The following METTL16 variants were observed in gnomAD, a reference collection of about 807,000 sequenced individuals.
METTL16 encodes methyltransferase 16, RNA N6-adenosine.
A neutral mutation model predicts 57.9 loss-of-function variants in METTL16; 19 were observed. That is an observed-to-expected ratio of 0.33 (90% CI 0.23 to 0.48). METTL16 has a LOEUF of 0.48. METTL16 is among the 20% of genes least tolerant of loss of function. METTL16 has a pLI of 0.99. For synonymous variants in METTL16, 246 were observed against 255.6 expected, an observed-to-expected ratio of 0.96 and a Z score of 0.36; for missense variants, 434 against 691.5, an observed-to-expected ratio of 0.63 and a Z score of 4.18.
chr17:2,449,728 G>T (rs1198965520), intron 6 of METTL16, among the ~76,000 whole-genome samples: 2 of 152,178 alleles, frequency 1.3e-5, no homozygotes, highest in Non-Finnish European at 2.9e-5. Flanking sequence ...CTTTTTAAAA[G>T]AGATTTATAG....
intron 1 of METTL16, among the ~76,000 whole-genome samples, chr17:2,506,061 G>C (rs1344477478): frequency 6.6e-6 from 1 of 151,492 alleles, no homozygotes; most frequent in African/African-American, 2.4e-5. Context: ...TCTGCCTCCC[G>C]GGTTCAAGCG....
At chr17:2,424,663 G>A (rs2066802595) in intron 8 of METTL16, among the ~76,000 whole-genome samples, 1 of 152,000 alleles carries the variant, frequency 6.6e-6, no homozygotes, top group Non-Finnish European at 1.5e-5. Flanking sequence ...TTAAGAGACA[G>A]ACAGGCCAGG....
chr17:2,470,194 T>C (rs994393678), intron 4 of METTL16, among the ~76,000 whole-genome samples: 1 of 152,282 alleles, frequency 6.6e-6, no homozygotes. Flanking sequence ...GTGTTTTCTC[T>C]GTAAGGCACA....
In METTL16 at chr17:2,491,699, C is replaced by T. The variant is rs1464227374; in HGVS notation, c.128+10505G>A. Among the ~76,000 whole-genome samples, 6 of 150,466 alleles carry T rather than the reference C, an allele frequency of 4.0e-5. No individual in the cohort carries two copies. In the East Asian group the frequency reaches 7.8e-4, roughly 20 times the overall value. Reference sequence around the variant, plus strand: ...GACCATCCTGGCTAACACGGTGAAACCCCGTCTCTATTAAAAATACAAAAA... The same window carrying T: ...GACCATCCTGGCTAACACGGTGAAATCCCGTCTCTATTAAAAATACAAAAA... On this transcript the variant is annotated intron_variant, in intron 2 of 9. Transcript: ENST00000263092.
intron 2 of METTL16, among the ~76,000 whole-genome samples, chr17:2,493,718 C>CAAAA (rs112843722): frequency 7.8e-6 from 1 of 128,844 alleles, no homozygotes; most frequent in Non-Finnish European, 1.6e-5. Context: ...GACTCTGTCT[C>CAAAA]AAAAAAAAAA....
At chr17:2,426,408 A>T (rs2066818730) in intron 8 of METTL16, among the ~76,000 whole-genome samples, 1 of 151,818 alleles carries the variant, frequency 6.6e-6, no homozygotes, top group Non-Finnish European at 1.5e-5. Flanking sequence ...TCCTGAAATC[A>T]CCCCCAGGAG....
intron 2 of METTL16, among the ~76,000 whole-genome samples, chr17:2,494,371 G>T (rs952536563): frequency 6.6e-6 from 1 of 152,104 alleles, no homozygotes; most frequent in Admixed American, 6.6e-5. Flanking sequence ...TATTTAGGGG[G>T]TATATGGGAT....
chr17:2,477,621 A>G, intron 3 of METTL16, 65 bp downstream of exon 3: 2 of 1,248,502 alleles, frequency 1.6e-6, no homozygotes, highest in Non-Finnish European at 1.2e-6. Context: ...AAAAGTTTAC[A>G]AAGAATTTGA....
Position 2,477,801 on chromosome 17 carries a change from T to A in METTL16, c.213A>T (p.Pro71=), listed in dbSNP as rs533078279. The change falls in exon 3 of 10, where the codon CCA becomes CCT. Residue 71 remains proline (P), a synonymous_variant. Transcript: ENST00000263092. ...GAACTGTGGGAATTAGTCTCTCCAA[T>A]GGAATATCAATAGAAAGTCCAAAAT... ...REDFGLSIDI[P]LERLIPTVPL... is the part of the protein sequence containing the mutation. The A allele has an allele frequency of 3.7e-6, 6 of 1,613,840 alleles. No individual in the cohort carries two copies. The African/African-American group carries it at 5.3e-5, about 14-fold the overall frequency.
At chr17:2,427,795 C>T (rs966585923) in intron 8 of METTL16, among the ~76,000 whole-genome samples, 6 of 151,800 alleles carry the variant, frequency 4.0e-5, no homozygotes, top group Admixed American at 1.3e-4. Flanking sequence ...AGTAAAAACC[C>T]ACAGATGTGA....
chr17:2,436,871 C>CT (rs543406197), intron 8 of METTL16: 13,014 of 129,760 alleles, frequency 0.1, 842 homozygotes, highest in South Asian at 0.18. Context: ...GTGAACAAAC[C>CT]TTTTTTTTTT....
intron 2 of METTL16, among the ~76,000 whole-genome samples, chr17:2,492,855 G>A (rs1350098897): frequency 5.3e-5 from 7 of 131,172 alleles, no homozygotes; most frequent in African/African-American, 1.4e-4. Flanking sequence ...CCAAGAACAC[G>A]CCACTGCACT....
At position 2,420,062 on chromosome 17, in the gene METTL16, T is replaced by C. The variant is rs1194758231; in HGVS notation, c.1597A>G (p.Met533Val). The change falls in exon 10 of 10, where the codon ATG becomes GTG. Residue 533 changes from methionine to valine, a missense_variant. Coordinates refer to ENST00000263092, the MANE Select transcript of METTL16 (RefSeq NM_024086.4). The surrounding 1 kb of genome is among the most constrained non-coding windows in gnomAD (Gnocchi z 5.4). ...CTGTTCTGGCCCTCAACCCAGTGCA[T>C]CTCCACTAAGGCATCGTCCACCTCC... ...KKEVDDALVEMHWVEGQNRDL... is the reference protein window; with the variant it reads ...KKEVDDALVEVHWVEGQNRDL... 1 of 1,614,132 alleles carries C rather than the reference T, an allele frequency of 6.2e-7. No individual in the cohort carries two copies. Among genetic ancestry groups the C allele is most frequent in the East Asian group, 2.2e-5 (1 of 44,874 alleles).
At chr17:2,472,366 TG>T (rs1297642967) in intron 4 of METTL16, among the ~76,000 whole-genome samples, 1 of 152,220 alleles carries the variant, frequency 6.6e-6, no homozygotes, top group African/African-American at 2.4e-5. Flanking sequence ...AACAGTACTC[TG>T]GAAGACAGTT....
intron 6 of METTL16, among the ~76,000 whole-genome samples, chr17:2,463,546 CT>C (rs1489596133): frequency 6.6e-6 from 1 of 152,098 alleles, no homozygotes; most frequent in Non-Finnish European, 1.5e-5. Context: ...ACTGCAACCT[CT>C]GCCTCCTGGG....
At chr17:2,425,976 T>C (rs946848704) in intron 8 of METTL16, among the ~76,000 whole-genome samples, 2 of 148,544 alleles carry the variant, frequency 1.3e-5, no homozygotes, top group African/African-American at 5.0e-5. Flanking sequence ...ACATGTGGTG[T>C]AGCTTGACAC....
chr17:2,447,437 C>T (rs1162821985), intron 6 of METTL16, among the ~76,000 whole-genome samples: 2 of 140,670 alleles, frequency 1.4e-5, no homozygotes, highest in Non-Finnish European at 3.0e-5. Context: ...CCACCCCGTC[C>T]GGGAGGGAGG....
intron 8 of METTL16, among the ~76,000 whole-genome samples, chr17:2,426,030 CAAAA>C (rs71375599): frequency 5.4e-5 from 5 of 93,138 alleles, no homozygotes; most frequent in Admixed American, 1.3e-4. Flanking sequence ...ATGGCTAAGG[CAAAA>C]AAAAAAAAAA....
intron 4 of METTL16, among the ~76,000 whole-genome samples, chr17:2,470,293 G>C (rs376903029): frequency 7.0e-6 from 1 of 143,310 alleles, no homozygotes; most frequent in African/African-American, 2.9e-5. Flanking sequence ...CCAAGAGAAA[G>C]CACAAAAATG....
Sources: allele counts gnomAD v4.1 joint callset (sites outside exome capture counted in the v4.1 genomes callset), GRCh38; gene constraint gnomAD v4.1.1; non-coding constraint Gnocchi (gnomAD v3.1); transcripts MANE v1.5; gene names NCBI Gene and HGNC (gene_info 2026-07-23, HGNC 2026-07-21).